RSAD2: variants seen among roughly 807,000 people sequenced by gnomAD.
RSAD2 encodes the protein radical S-adenosyl methionine domain containing 2, also known as S-adenosylmethionine-dependent nucleotide dehydratase RSAD2.
Under a neutral mutation model 37.7 loss-of-function variants are expected in RSAD2, and 38 were observed. The ratio of observed to expected loss-of-function variants is 1.01; its 90% CI spans 0.78 to 1.32. The LOEUF is 1.32. Ranked by LOEUF, RSAD2 falls within the 40% of genes most tolerant of loss-of-function variation. The probability of loss-of-function intolerance (pLI) is 0.00; values close to 1 mark genes in which losing one functional copy is unlikely to be tolerated. For missense variants in RSAD2, 428 were observed against 437.5 expected (o/e 0.98, Z 0.19); for synonymous variants, 163 against 157.4 (o/e 1.04, Z -0.27).
chr2:6,865,917 A>C, exon 1 of RSAD2: 2 of 1,392,624 alleles, frequency 1.4e-6, no homozygotes, highest in Non-Finnish European at 9.4e-7. Flanking sequence ...TGCGCGATAA[A>C]CGGCCGGCGC....
chr2:6,888,153 C>T (rs1663559540), intron 3 of RSAD2, among the ~76,000 whole-genome samples: 1 of 152,118 alleles, frequency 6.6e-6, no homozygotes, highest in South Asian at 2.1e-4. Context: ...TTCAAAGCTG[C>T]CTTGGCTGTT....
At chr2:6,888,107 C>G (rs1663558638) in intron 3 of RSAD2, among the ~76,000 whole-genome samples, 1 of 152,186 alleles carries the variant, frequency 6.6e-6, no homozygotes, top group African/African-American at 2.4e-5. Flanking sequence ...CACATCCAGA[C>G]TAGAGGGCTT....
chr2:6,880,279 A>G (rs1225731671), intron 1 of RSAD2, among the ~76,000 whole-genome samples: 1 of 152,018 alleles, frequency 6.6e-6, no homozygotes, highest in East Asian at 1.9e-4. Flanking sequence ...TATTTTAGAG[A>G]AAAAAAACCT....
chr2:6,865,923 G>T, exon 1 of RSAD2: 1 of 1,395,016 alleles, frequency 7.2e-7, no homozygotes, highest in South Asian at 1.4e-5. Flanking sequence ...ATAAACGGCC[G>T]GCGCTCGGGA....
chr2:6,890,110 A>T lies in RSAD2; in HGVS notation c.739-66A>T, dbSNP rs1404302205. On this transcript the variant is annotated intron_variant, in intron 3 of 5. Coordinates refer to ENST00000382040, the MANE Select transcript of RSAD2 (RefSeq NM_080657.5). ...GAAGAGATGAAGCTTGAAAAGGGGG[A>T]GTGAGGTTTGGGGGAAAACACGATG... 3 of 1,489,288 alleles carry T rather than the reference A, an allele frequency of 2.0e-6. No individual in the cohort carries two copies. In the African/African-American group the frequency reaches 4.2e-5, roughly 21 times the overall value. 92.3% of individuals were successfully genotyped at this position (1,489,288 alleles called of 1,614,324 possible).
chr2:6,870,234 G>A (rs1663180650), intron 1 of RSAD2, among the ~76,000 whole-genome samples: 1 of 152,146 alleles, frequency 6.6e-6, no homozygotes, highest in African/African-American at 2.4e-5. Context: ...CATTTATAGT[G>A]TCAGAAGCGG....
chr2:6,880,102 TTAAG>T (rs1180102939), intron 1 of RSAD2, among the ~76,000 whole-genome samples: 2 of 152,150 alleles, frequency 1.3e-5, no homozygotes, highest in Non-Finnish European at 2.9e-5. Context: ...ACCTCTCAGT[TTAAG>T]TAAGTAAAAC....
At chr2:6,892,995 G>C (rs1024253073) in intron 4 of RSAD2, among the ~76,000 whole-genome samples, 2 of 152,186 alleles carry the variant, frequency 1.3e-5, no homozygotes. Context: ...TTTTTCTTAT[G>C]TATCATCTGT....
intron 5 of RSAD2, among the ~76,000 whole-genome samples, chr2:6,894,833 G>A (rs1239103657): frequency 6.6e-6 from 1 of 152,218 alleles, no homozygotes; most frequent in Non-Finnish European, 1.5e-5. Context: ...AGAGCATAAG[G>A]GAAAAGGTGA....
rs781571900 is a variant in RSAD2, at chr2:6,886,998, T to C, written c.572T>C (p.Ile191Thr). ...TTTGACGAGGAAGTCAATGTCCTTATTGGCCGTGGCCAAGGAAAGAAGAAC... is the reference window on the plus strand; with the variant it reads ...TTTGACGAGGAAGTCAATGTCCTTACTGGCCGTGGCCAAGGAAAGAAGAAC... ...DSFDEEVNVL[I>T]GRGQGKKNHV... is the part of the protein sequence containing the mutation. The change falls in exon 3 of 6, where the codon ATT becomes ACT. Residue 191 changes from isoleucine (I) to threonine (T), a missense_variant. Transcript: ENST00000382040. 12 of 1,614,114 alleles carry C rather than the reference T, an allele frequency of 7.4e-6. No homozygotes were observed. Among genetic ancestry groups the C allele is most frequent in the Admixed American group, 1.7e-5 (1 of 60,006 alleles).
At chr2:6,884,177 C>G (rs191694958) in intron 2 of RSAD2, among the ~76,000 whole-genome samples, 3 of 152,118 alleles carry the variant, frequency 2.0e-5, no homozygotes, top group East Asian at 3.8e-4. Context: ...GCTGTTGGAG[C>G]CTTGAAGTCT....
chr2:6,872,303 A>G (rs61631120), intron 1 of RSAD2, among the ~76,000 whole-genome samples: 1,756 of 152,334 alleles, frequency 0.012, 30 homozygotes, highest in African/African-American at 0.04. Flanking sequence ...CAGAAGAACA[A>G]GAGTTCTTTG....
intron 4 of RSAD2, among the ~76,000 whole-genome samples, chr2:6,891,604 G>A (rs567372411): frequency 1.1e-4 from 16 of 152,012 alleles, no homozygotes; most frequent in African/African-American, 2.2e-4. Context: ...CATCTCTACT[G>A]AAAATACAAA....
At chr2:6,887,889 GAT>G (rs1663554528) in intron 3 of RSAD2, among the ~76,000 whole-genome samples, 1 of 152,232 alleles carries the variant, frequency 6.6e-6, no homozygotes, top group Non-Finnish European at 1.5e-5. Flanking sequence ...TGCAATGAAA[GAT>G]AAGATGCAGA....
At chr2:6,873,986 TGTTGGAGGTGCAACC>T (rs1283970588), upstream of RSAD2, among the ~76,000 whole-genome samples, 2 of 152,206 alleles carry the variant, frequency 1.3e-5, no homozygotes, top group African/African-American at 4.8e-5. Flanking sequence ...TAAACCTCAA[TGTTGGAGGTGCAACC>T]TGGTGGGAAG....
Position 6,896,062 on chromosome 2 carries a change from A to G in RSAD2, c.*120A>G. 3 of 917,026 alleles carry G rather than the reference A, an allele frequency of 3.3e-6. No individual in the cohort carries two copies. The highest frequency in any genetic ancestry group is 4.9e-6 in the Non-Finnish European group (3 of 614,288). 56.8% of individuals were successfully genotyped at this position (917,026 alleles called of 1,614,324 possible). A position where few individuals can be genotyped will look rare whatever the true frequency, so the allele number is the denominator to read the frequency against. Reference sequence around the variant, plus strand: ...GGCTGAAAACCTGATTTTCTGCTGCACGTGGCATCTGATTACCTGTGGTCA... The same window carrying G: ...GGCTGAAAACCTGATTTTCTGCTGCGCGTGGCATCTGATTACCTGTGGTCA... On this transcript the variant is annotated 3_prime_UTR_variant, in exon 6 of 6. Transcript: ENST00000382040.
chr2:6,883,671 A>C, intron 2 of RSAD2, 139 bp downstream of exon 2: 1 of 942,022 alleles, frequency 1.1e-6, no homozygotes, highest in Non-Finnish European at 1.6e-6. Context: ...GCTTACTCTA[A>C]TTGCTTTTCA....
intron 3 of RSAD2, among the ~76,000 whole-genome samples, chr2:6,887,578 G>A (rs967258015): frequency 1.3e-5 from 2 of 152,198 alleles, no homozygotes; most frequent in Non-Finnish European, 2.9e-5. Flanking sequence ...AGACATTAGG[G>A]TTAAAGTCTT....
At position 6,897,991 on chromosome 2, in the gene RSAD2, TCTCAAAAAAAAAAAAAAAAAAAAG is replaced by T. The variant is rs1663814864; in HGVS notation, c.*2051_*2074del. 1 of 113,914 alleles carries T rather than the reference TCTCAAAAAAAAAAAAAAAAAAAAG, an allele frequency of 8.8e-6. No homozygotes were observed. Among genetic ancestry groups the T allele is most frequent in the Admixed American group, 9.8e-5 (1 of 10,164 alleles). 7.1% of individuals were successfully genotyped at this position (113,914 alleles called of 1,614,324 possible). On this transcript the variant is annotated 3_prime_UTR_variant, in exon 6 of 6. Coordinates refer to ENST00000382040, the MANE Select transcript of RSAD2 (RefSeq NM_080657.5). ...GCCTGGATGACAGAGCAAGACTCCG[TCTCAAAAAAAAAAAAAAAAAAAAG>T]CAAGAGAGTTCAACTAAGAAAGGTC...
Sources: gnomAD v4.1 joint callset for allele counts (sites outside exome capture counted in the v4.1 genomes callset) on GRCh38, gnomAD v4.1.1 for gene constraint, MANE v1.5 for transcripts, NCBI Gene and HGNC (gene_info 2026-07-23, HGNC 2026-07-21) for gene names.